Variants in LRBA observed in about 807,000 individuals in gnomAD.
LRBA encodes the protein LPS responsive beige-like anchor protein.
Under a neutral mutation model 330.0 loss-of-function variants are expected in LRBA, and 176 were observed. The ratio of observed to expected loss-of-function variants is 0.53; its 90% CI spans 0.47 to 0.60. The LOEUF is 0.60. LRBA is among the 20% of genes least tolerant of loss of function. LRBA has a pLI of 0.00. For missense variants in LRBA, 3,259 were observed against 3,444.8 expected, an observed-to-expected ratio of 0.95 and a Z score of 1.35; for synonymous variants, 1,230 against 1,193.0, an observed-to-expected ratio of 1.03 and a Z score of -0.64.
At chr4:150,393,761 T>C (rs1744335323) in intron 47 of LRBA, among the ~76,000 whole-genome samples, 1 of 152,184 alleles carries the variant, frequency 6.6e-6, no homozygotes, top group Non-Finnish European at 1.5e-5. Context: ...GTTGGGATTA[T>C]GGGCATGAGC....
At chr4:150,813,654 T>G (rs991994906) in intron 31 of LRBA, among the ~76,000 whole-genome samples, 1 of 152,174 alleles carries the variant, frequency 6.6e-6, no homozygotes, top group East Asian at 1.9e-4. Context: ...TATCTAGTAC[T>G]AGTTTCTCTT....
chr4:150,376,308 A>G (rs532436738), intron 47 of LRBA, among the ~76,000 whole-genome samples: 3 of 152,328 alleles, frequency 2.0e-5, no homozygotes, highest in Admixed American at 6.5e-5. Context: ...AATAAAATTG[A>G]AATCCCTATA....
At chr4:150,904,682 GAAGT>G (rs1731124171) in intron 13 of LRBA, among the ~76,000 whole-genome samples, 2 of 151,980 alleles carry the variant, frequency 1.3e-5, no homozygotes, top group Admixed American at 6.6e-5. Flanking sequence ...TCCTCAAAAA[GAAGT>G]AAGACTGAGG....
At chr4:150,365,179 T>C (rs1480866840) in intron 47 of LRBA, among the ~76,000 whole-genome samples, 1 of 151,974 alleles carries the variant, frequency 6.6e-6, no homozygotes, top group Non-Finnish European at 1.5e-5. Context: ...GCGAATTTTT[T>C]TATGTTTTGT....
At chr4:150,795,394 G>C (rs1052324527) in intron 34 of LRBA, among the ~76,000 whole-genome samples, 1 of 151,980 alleles carries the variant, frequency 6.6e-6, no homozygotes, top group Non-Finnish European at 1.5e-5. Flanking sequence ...CAATTTTTGT[G>C]TATTTGCAAC....
At chr4:150,934,609 C>T (rs1734877865) in intron 2 of LRBA, among the ~76,000 whole-genome samples, 1 of 152,074 alleles carries the variant, frequency 6.6e-6, no homozygotes, top group Non-Finnish European at 1.5e-5. Flanking sequence ...CGGTGGCTCA[C>T]ATCTGTAATC....
chr4:150,627,036 T>C (rs1776929097), intron 37 of LRBA, among the ~76,000 whole-genome samples: 1 of 152,124 alleles, frequency 6.6e-6, no homozygotes, highest in Non-Finnish European at 1.5e-5. Flanking sequence ...AATTTTTCAG[T>C]CATATAGTTT....
chr4:150,660,580 C>T, intron 37 of LRBA, among the ~76,000 whole-genome samples: 1 of 148,090 alleles, frequency 6.8e-6, no homozygotes, highest in East Asian at 2.1e-4. Flanking sequence ...CCCAACAGCT[C>T]ATTGAGAACG....
chr4:150,863,185 C>T (rs1752189586), intron 22 of LRBA, among the ~76,000 whole-genome samples: 1 of 152,094 alleles, frequency 6.6e-6, no homozygotes, highest in African/African-American at 2.4e-5. Flanking sequence ...GTAGTCCCAG[C>T]TACTCAGGAG....
At chr4:150,278,613 CCT>C (rs1427439077) in intron 55 of LRBA, among the ~76,000 whole-genome samples, 2 of 152,148 alleles carry the variant, frequency 1.3e-5, no homozygotes, top group Non-Finnish European at 2.9e-5. Context: ...AGGCTGTGCC[CCT>C]CTGTCCTTTC....
Position 150,558,457 on chromosome 4 carries a change from T to C in LRBA, c.6330+29591A>G, listed in dbSNP as rs1767615688. Among the ~76,000 whole-genome samples, 6 of 152,230 alleles carry C rather than the reference T, an allele frequency of 3.9e-5. No individual in the cohort carries two copies. In the South Asian group the frequency reaches 1.2e-3, roughly 32 times the overall value. ...GTTCAAATTATTTTGACTTTGACTA[T>C]TGAGAGCTCTTTCATTTGGCTCTTG... On this transcript the variant is annotated intron_variant, in intron 40 of 56. Coordinates refer to ENST00000651943, the MANE Select transcript of LRBA (RefSeq NM_001364905.1).
chr4:150,859,541 C>T (rs995506901), intron 22 of LRBA, among the ~76,000 whole-genome samples: 3 of 152,108 alleles, frequency 2.0e-5, no homozygotes, highest in Non-Finnish European at 4.4e-5. Context: ...ACTAGGTGCA[C>T]TCTTTAAAAC....
At chr4:150,983,771 TAA>T (rs983124121) in intron 2 of LRBA, among the ~76,000 whole-genome samples, 1 of 136,948 alleles carries the variant, frequency 7.3e-6, no homozygotes. Flanking sequence ...TACTCCGTCT[TAA>T]AAAAAAAAAA....
At chr4:150,746,703 G>A (rs1031674950) in intron 35 of LRBA, among the ~76,000 whole-genome samples, 3 of 151,704 alleles carry the variant, frequency 2.0e-5, no homozygotes, top group African/African-American at 7.3e-5. Flanking sequence ...GTACAGACAG[G>A]GTTTCACCGT....
At chr4:150,428,840 C>T (rs1227691140) in intron 46 of LRBA, among the ~76,000 whole-genome samples, 3 of 152,048 alleles carry the variant, frequency 2.0e-5, no homozygotes, top group Non-Finnish European at 2.9e-5. Flanking sequence ...TCTACACACC[C>T]GAAACATAAG....
chr4:150,565,005 A>G (rs2152275888), intron 40 of LRBA, among the ~76,000 whole-genome samples: 1 of 152,240 alleles, frequency 6.6e-6, no homozygotes, highest in South Asian at 2.1e-4. Flanking sequence ...TAGGAATTTG[A>G]CCCAGCAATC....
chr4:150,886,817 G>A (rs985886238), intron 17 of LRBA, among the ~76,000 whole-genome samples: 22 of 152,102 alleles, frequency 1.4e-4, no homozygotes, highest in East Asian at 5.8e-4. Context: ...AGAAGATTAC[G>A]CAACATACAA....
At chr4:150,395,202 TTAATA>T (rs1472187659) in intron 47 of LRBA, among the ~76,000 whole-genome samples, 2 of 152,178 alleles carry the variant, frequency 1.3e-5, no homozygotes, top group African/African-American at 4.8e-5. Flanking sequence ...ATTATTTACC[TTAATA>T]TATTTAAATT....
At chr4:150,565,833 A>G (rs993904341) in intron 40 of LRBA, among the ~76,000 whole-genome samples, 8 of 152,128 alleles carry the variant, frequency 5.3e-5, no homozygotes, top group African/African-American at 1.9e-4. Context: ...CAATTAAGAA[A>G]ATTAAACCCC....
Sources: allele counts gnomAD v4.1 joint callset (sites outside exome capture counted in the v4.1 genomes callset), GRCh38; gene constraint gnomAD v4.1.1; transcripts MANE v1.5; gene names NCBI Gene and HGNC (gene_info 2026-07-23, HGNC 2026-07-21).